The following CCT3 variants were observed in gnomAD, a reference collection of about 807,000 sequenced individuals.
The protein encoded by CCT3 is T-complex protein 1 subunit gamma.
Under a neutral mutation model 65.3 loss-of-function variants are expected in CCT3, and 10 were observed. The ratio of observed to expected loss-of-function variants is 0.15; its 90% CI spans 0.09 to 0.26. The LOEUF (loss-of-function observed/expected upper bound fraction) is 0.26. Ranked by LOEUF, CCT3 falls within the 10% of genes least tolerant of loss-of-function variation. The pLI is 1.00. For missense variants in CCT3, 626 were observed against 708.7 expected (o/e 0.88, Z 1.33); for synonymous variants, 225 against 242.3 (o/e 0.93, Z 0.66).
At chr1:156,336,153 T>C (rs1665341139) in intron 1 of CCT3, 1 of 380,034 alleles carries the variant, frequency 2.6e-6, no homozygotes, top group African/African-American at 2.1e-5. Context: ...GGAATCTTGG[T>C]TAATACTTTT....
Position 156,317,433 on chromosome 1 carries a change from T to A in CCT3, c.874A>T (p.Thr292Ser), listed in dbSNP as rs773356559. 1 of 1,613,046 alleles carries A rather than the reference T, an allele frequency of 6.2e-7. No individual in the cohort carries two copies. Among genetic ancestry groups the A allele is most frequent in the South Asian group, 1.1e-5 (1 of 91,062 alleles). The change falls in exon 9 of 14, where the codon ACT becomes TCT. Residue 292 changes from threonine to serine, a missense_variant. Coordinates refer to ENST00000295688, the MANE Select transcript of CCT3 (RefSeq NM_005998.5). ...IIQLKPDVVITEKGISDLAQH... is the reference protein window; with the variant it reads ...IIQLKPDVVISEKGISDLAQH... ...GTCCCACCTGAGATGCCCTTTTCAG[T>A]GATGACCACATCGGGCTTCAGTTGG...
chr1:156,338,130 T>G (rs1665534453), intron 1 of CCT3, 24 bp downstream of exon 1: 1 of 1,577,502 alleles, frequency 6.3e-7, no homozygotes, highest in Non-Finnish European at 8.6e-7. Context: ...AGGGGGTCCA[T>G]TTCCTGGCAT....
intron 11 of CCT3, among the ~76,000 whole-genome samples, 190 bp downstream of exon 11, chr1:156,311,851 T>C (rs1664097011): frequency 6.6e-6 from 1 of 152,030 alleles, no homozygotes; most frequent in South Asian, 2.1e-4. Flanking sequence ...GATGGTAAAT[T>C]TTATGCTTAC....
chr1:156,331,258 G>A (rs895657131), intron 5 of CCT3, among the ~76,000 whole-genome samples: 2 of 152,060 alleles, frequency 1.3e-5, no homozygotes, highest in African/African-American at 4.8e-5. Context: ...GGGAGGCTGA[G>A]GCAGGAGATT....
chr1:156,334,872 A>C lies in CCT3; in HGVS notation c.140T>G (p.Met47Arg). ...TTTAGGAAGAGATAAGCCTACCTTC[A>C]TCATGGACTTGGGTCCCAAACATGT... ...IRTCLGPKSM[M>R]KMLLDPMGGI... Residue 47 changes from methionine (M) to arginine (R), a missense_variant, in exon 3 of 14, where the codon ATG (methionine) becomes AGG (arginine). Met to Arg is a moderately conservative substitution (Grantham distance 91, BLOSUM62 -1). Transcript: ENST00000295688. 6.2e-7 allele frequency: 1 copy of C among 1,614,156 alleles called. No individual in the cohort carries two copies. Among genetic ancestry groups the C allele is most frequent in the Non-Finnish European group, 8.5e-7 (1 of 1,179,986 alleles).
intron 2 of CCT3, 100 bp from the exon 3 acceptor site, chr1:156,335,018 CAG>C: frequency 1.1e-6 from 1 of 920,044 alleles, no homozygotes; most frequent in Non-Finnish European, 1.7e-6. Context: ...CCCACAGAGT[CAG>C]TGTTTTATTT....
intron 5 of CCT3, among the ~76,000 whole-genome samples, chr1:156,329,571 C>T (rs1665017697): frequency 6.6e-6 from 1 of 151,446 alleles, no homozygotes; most frequent in Admixed American, 6.6e-5. Flanking sequence ...TCCCAAAGTG[C>T]TGGGATTACA....
chr1:156,315,666 A>G (rs903849788), intron 10 of CCT3, among the ~76,000 whole-genome samples: 1 of 152,206 alleles, frequency 6.6e-6, no homozygotes, highest in African/African-American at 2.4e-5. Context: ...TCAAAAAATT[A>G]TACATGGATT....
At chr1:156,334,637 G>T in intron 4 of CCT3, 76 bp downstream of exon 4, 1 of 1,386,670 alleles carries the variant, frequency 7.2e-7, no homozygotes, top group Non-Finnish European at 1.0e-6. Flanking sequence ...ACTAATCAGA[G>T]CCTGTATCTT....
chr1:156,324,810 G>A (rs956178952), intron 6 of CCT3, among the ~76,000 whole-genome samples, 162 bp downstream of exon 6: 5 of 152,030 alleles, frequency 3.3e-5, no homozygotes, highest in African/African-American at 1.2e-4. Flanking sequence ...TGTATTTTTA[G>A]TACAGACGAG....
chr1:156,321,693 G>A (rs1031673827), intron 6 of CCT3, among the ~76,000 whole-genome samples: 1 of 152,072 alleles, frequency 6.6e-6, no homozygotes, highest in South Asian at 2.1e-4. Flanking sequence ...GGCCAATATG[G>A]TGAAACCCCA....
At chr1:156,338,062 G>A (rs973688451) in intron 1 of CCT3, 92 bp downstream of exon 1, 3 of 1,381,024 alleles carry the variant, frequency 2.2e-6, no homozygotes, top group East Asian at 5.0e-5. Flanking sequence ...TCAGTGGCCC[G>A]GTCAGTGGGG....
chr1:156,328,469 G>C (rs1326834146), intron 5 of CCT3, among the ~76,000 whole-genome samples: 1 of 152,070 alleles, frequency 6.6e-6, no homozygotes, highest in African/African-American at 2.4e-5. Flanking sequence ...TGTCTGTGTA[G>C]AGAGAAGTAG....
Position 156,334,724 on chromosome 1 carries a change from T to C in CCT3, c.196A>G (p.Ile66Val), listed in dbSNP as rs373830645. The C allele has an allele frequency of 5.0e-6, 8 of 1,614,062 alleles. No homozygotes were observed. In the Admixed American group the frequency reaches 1.3e-4, roughly 27 times the overall value. The change falls in exon 4 of 14, where the codon ATT (isoleucine) becomes GTT (valine). Residue 66 changes from isoleucine (I) to valine (V), a missense_variant. By Grantham distance (29) the Ile-to-Val change is conservative. Coordinates refer to ENST00000295688, the MANE Select transcript of CCT3 (RefSeq NM_005998.5). ...AAAACAAAACACACCTCTCGAAGAA[T>C]GGCATTGCCATCATTGGTCATCACA... ...GIVMTNDGNA[I>V]LREIQVQHPA...
chr1:156,317,871 G>A (rs990342377), intron 8 of CCT3, among the ~76,000 whole-genome samples: 3 of 152,004 alleles, frequency 2.0e-5, no homozygotes, highest in Admixed American at 6.6e-5. Context: ...ACCACCCCCA[G>A]CTAACTTTTT....
At chr1:156,322,508 T>A (rs550402357) in intron 6 of CCT3, among the ~76,000 whole-genome samples, 10 of 151,800 alleles carry the variant, frequency 6.6e-5, no homozygotes, top group Non-Finnish European at 1.0e-4. Context: ...CCCAAAAAAA[T>A]TTTTTTAATA....
At chr1:156,311,383 AG>A (rs1426966276) in intron 11 of CCT3, among the ~76,000 whole-genome samples, 188 bp from the exon 12 acceptor site, 4 of 152,226 alleles carry the variant, frequency 2.6e-5, no homozygotes, top group African/African-American at 9.6e-5. Flanking sequence ...ACTATAATAT[AG>A]GATGGCGGGG....
At chr1:156,317,288 C>A in intron 9 of CCT3, 41 bp from the exon 10 acceptor site, 1 of 1,608,328 alleles carries the variant, frequency 6.2e-7, no homozygotes, top group Non-Finnish European at 8.5e-7. Context: ...GGGTTCTGAA[C>A]TGGTTTTATA....
At chr1:156,332,797 G>A (rs980072020) in intron 5 of CCT3, 2 of 152,240 alleles carry the variant, frequency 1.3e-5, no homozygotes, top group Admixed American at 1.3e-4. Context: ...CGTTAGGTGA[G>A]CTTTGTCCAG....
Sources: gnomAD v4.1 joint callset for allele counts (sites outside exome capture counted in the v4.1 genomes callset) on GRCh38, gnomAD v4.1.1 for gene constraint, MANE v1.5 for transcripts, NCBI Gene and HGNC (gene_info 2026-07-23, HGNC 2026-07-21) for gene names.